The following ARFGEF3 variants were observed in gnomAD, a reference collection of about 807,000 sequenced individuals.
The protein encoded by ARFGEF3 is brefeldin A-inhibited guanine nucleotide-exchange protein 3.
In ARFGEF3, 96 loss-of-function variants were observed where a neutral mutation model predicts 221.7. The observed-to-expected ratio is 0.43, with a 90% CI of 0.37 to 0.51. ARFGEF3 has a LOEUF of 0.51. Ranked by LOEUF, ARFGEF3 falls within the 20% of genes least tolerant of loss-of-function variation. The pLI is 0.00. For synonymous variants in ARFGEF3, 1,145 were observed against 1,126.8 expected, an observed-to-expected ratio of 1.02 and a Z score of -0.32; for missense variants, 2,410 against 2,789.9, an observed-to-expected ratio of 0.86 and a Z score of 3.07.
At chr6:138,266,439 ATGT>A (rs1287940607) in intron 12 of ARFGEF3, among the ~76,000 whole-genome samples, 7 of 151,958 alleles carry the variant, frequency 4.6e-5, no homozygotes, top group African/African-American at 1.7e-4. Flanking sequence ...AGGCCTCACT[ATGT>A]TGTTCTGGCT....
At chr6:138,195,321 G>A (rs1777394972) in intron 2 of ARFGEF3, among the ~76,000 whole-genome samples, 1 of 151,842 alleles carries the variant, frequency 6.6e-6, no homozygotes, top group African/African-American at 2.4e-5. Flanking sequence ...TCCTAATTCT[G>A]AAGGTAACAT....
chr6:138,200,355 C>A (rs1489167437), intron 2 of ARFGEF3, among the ~76,000 whole-genome samples: 1 of 152,062 alleles, frequency 6.6e-6, no homozygotes, highest in Non-Finnish European at 1.5e-5. Context: ...AAAAAAGAGC[C>A]CGCATAGCCA....
At chr6:138,311,758 G>T (rs1779835705) in intron 25 of ARFGEF3, among the ~76,000 whole-genome samples, 1 of 152,170 alleles carries the variant, frequency 6.6e-6, no homozygotes, top group African/African-American at 2.4e-5. Context: ...ACGCTCAGAT[G>T]CCTGAACTAC....
intron 8 of ARFGEF3, 55 bp downstream of exon 8, chr6:138,245,646 AC>A: frequency 7.8e-7 from 1 of 1,288,126 alleles, no homozygotes; most frequent in African/African-American, 1.5e-5. Context: ...TTCTGAAATA[AC>A]CTTTGTCTGC....
At chr6:138,308,593 A>T in intron 23 of ARFGEF3, 146 bp from the exon 24 acceptor site, 2 of 832,180 alleles carry the variant, frequency 2.4e-6, no homozygotes, top group Non-Finnish European at 3.8e-6. Flanking sequence ...GAGCCAAGCC[A>T]ATGGCCCAAT....
intron 5 of ARFGEF3, among the ~76,000 whole-genome samples, chr6:138,232,831 A>T (rs1310018021): frequency 6.6e-6 from 1 of 152,200 alleles, no homozygotes; most frequent in African/African-American, 2.4e-5. Flanking sequence ...TAAAGAATAC[A>T]AGCAAAGTGA....
At chr6:138,207,758 C>G (rs1164278857) in intron 3 of ARFGEF3, among the ~76,000 whole-genome samples, 4 of 152,142 alleles carry the variant, frequency 2.6e-5, no homozygotes, top group African/African-American at 9.7e-5. Context: ...GAGAAAAGCA[C>G]TGTGAAGTTG....
In ARFGEF3 at chr6:138,337,750, T is replaced by TA. The variant is rs1780356237; in HGVS notation, c.*1265dup. Reference sequence around the variant, plus strand: ...GATATTTCTAAGTATTACTAGAAAATACGTTTGAAAGCTTTATCTTATTAT... The same window carrying TA: ...GATATTTCTAAGTATTACTAGAAAATAACGTTTGAAAGCTTTATCTTATTAT... On this transcript the variant is annotated 3_prime_UTR_variant, in exon 34 of 34. Transcript: ENST00000251691. 1 of 152,192 alleles carries TA rather than the reference T, an allele frequency of 6.6e-6. No individual in the cohort carries two copies. Among genetic ancestry groups the TA allele is most frequent in the African/African-American group, 2.4e-5 (1 of 41,450 alleles). The allele number at this position is 152,192 out of a possible 1,614,324, so 9.4% of individuals were successfully genotyped here. A position where few individuals can be genotyped will look rare whatever the true frequency, so the allele number is the denominator to read the frequency against.
In ARFGEF3 at chr6:138,328,002, C is replaced by A. The variant is rs1169153417; in HGVS notation, c.5002-19C>A. 2 of 1,549,452 alleles carry A rather than the reference C, an allele frequency of 1.3e-6. No homozygotes were observed. The highest frequency in any genetic ancestry group is 2.4e-5 in the South Asian group (2 of 83,628). On this transcript the variant is annotated intron_variant, in intron 31 of 33. Coordinates refer to ENST00000251691, the MANE Select transcript of ARFGEF3 (RefSeq NM_020340.5). ...GAGGACACTGGAGTTCTGAAATGTA[C>A]CTTTGCACCCCCATACAGGTGTTTA...
intron 13 of ARFGEF3, 128 bp from the exon 14 acceptor site, chr6:138,279,871 C>T (rs1265496258): frequency 2.3e-6 from 2 of 861,186 alleles, no homozygotes. Context: ...ACTTGCCGCC[C>T]CCTTACCCAA....
intron 2 of ARFGEF3, among the ~76,000 whole-genome samples, chr6:138,203,236 G>A (rs924499315): frequency 1.4e-4 from 22 of 152,166 alleles, no homozygotes; most frequent in Admixed American, 2.0e-4. Flanking sequence ...GATCTTATGA[G>A]ACCAAAGGAG....
At chr6:138,220,353 C>A (rs1182846069) in intron 4 of ARFGEF3, among the ~76,000 whole-genome samples, 2 of 152,136 alleles carry the variant, frequency 1.3e-5, no homozygotes, top group African/African-American at 4.8e-5. Flanking sequence ...ATGGTTCTCT[C>A]TATATATCTA....
intron 2 of ARFGEF3, among the ~76,000 whole-genome samples, chr6:138,177,631 A>G (rs572787256): frequency 6.6e-6 from 1 of 152,196 alleles, no homozygotes; most frequent in African/African-American, 2.4e-5. Context: ...TGATTGCTTT[A>G]TATAGTCCCA....
intron 4 of ARFGEF3, chr6:138,218,547 C>T: frequency 7.8e-7 from 1 of 1,287,572 alleles, no homozygotes; most frequent in Non-Finnish European, 1.0e-6. Flanking sequence ...TTTAGCTGAG[C>T]CAATGTTTCT....
At chr6:138,195,295 C>G (rs1435901078) in intron 2 of ARFGEF3, among the ~76,000 whole-genome samples, 4 of 151,982 alleles carry the variant, frequency 2.6e-5, no homozygotes, top group Admixed American at 1.3e-4. Context: ...TGAGCCACCG[C>G]ACCTGGCAAC....
At chr6:138,280,861 A>G (rs1177843424) in intron 14 of ARFGEF3, among the ~76,000 whole-genome samples, 2 of 152,152 alleles carry the variant, frequency 1.3e-5, no homozygotes, top group Non-Finnish European at 2.9e-5. Flanking sequence ...CAAAACAAAA[A>G]GTTGGTTTCC....
At chr6:138,215,749 GATA>G (rs1243628508) in intron 4 of ARFGEF3, among the ~76,000 whole-genome samples, 1 of 151,990 alleles carries the variant, frequency 6.6e-6, no homozygotes, top group African/African-American at 2.4e-5. Context: ...GTCTTCCCGT[GATA>G]ATGATATTCC....
chr6:138,242,612 T>C (rs1193088857), intron 6 of ARFGEF3, among the ~76,000 whole-genome samples: 1 of 152,208 alleles, frequency 6.6e-6, no homozygotes. Context: ...CAGGTAGGCA[T>C]TGCCCCAGGT....
chr6:138,179,188 G>T (rs1463977368), intron 2 of ARFGEF3, among the ~76,000 whole-genome samples: 8 of 152,174 alleles, frequency 5.3e-5, no homozygotes. Flanking sequence ...CCCAATTCAG[G>T]ATTGTCTCTT....
Sources: gnomAD v4.1 joint callset for allele counts (sites outside exome capture counted in the v4.1 genomes callset) on GRCh38, gnomAD v4.1.1 for gene constraint, MANE v1.5 for transcripts, NCBI Gene and HGNC (gene_info 2026-07-23, HGNC 2026-07-21) for gene names.